Variants in TANC2 observed in about 807,000 individuals in gnomAD.
TANC2 encodes the protein protein TANC2.
A neutral mutation model predicts 210.5 loss-of-function variants in TANC2; 26 were observed. That is an observed-to-expected ratio of 0.12 (90% CI 0.09 to 0.17). TANC2 has a LOEUF of 0.17. Ranked by LOEUF, TANC2 falls within the 10% of genes least tolerant of loss-of-function variation. The pLI is 1.00. For synonymous variants in TANC2, 931 were observed against 967.1 expected, an observed-to-expected ratio of 0.96 and a Z score of 0.69; for missense variants, 2,129 against 2,608.9, an observed-to-expected ratio of 0.82 and a Z score of 4.01.
At chr17:63,187,604 CAT>C (rs746482357) in intron 5 of TANC2, among the ~76,000 whole-genome samples, 40 of 151,954 alleles carry the variant, frequency 2.6e-4, no homozygotes, top group South Asian at 2.3e-3. Flanking sequence ...GACACATACA[CAT>C]ATGTGTTTTT....
At chr17:63,203,443 T>C (rs2041599976) in intron 7 of TANC2, among the ~76,000 whole-genome samples, 1 of 152,216 alleles carries the variant, frequency 6.6e-6, no homozygotes. Context: ...TTTTTTAAAA[T>C]ATGAGACATT....
intron 1 of TANC2, among the ~76,000 whole-genome samples, chr17:62,992,088 G>T (rs2032899934): frequency 6.6e-6 from 1 of 152,180 alleles, no homozygotes; most frequent in Admixed American, 6.5e-5. Flanking sequence ...GATGATTTAA[G>T]GTATACAGGA....
chr17:63,224,404 A>G (rs982384163), intron 7 of TANC2, among the ~76,000 whole-genome samples: 4 of 152,044 alleles, frequency 2.6e-5, no homozygotes, highest in Admixed American at 6.6e-5. Context: ...GGGGCGCACC[A>G]CCACGCCCAG....
intron 11 of TANC2, among the ~76,000 whole-genome samples, chr17:63,331,712 A>G (rs1468160588): frequency 6.6e-6 from 1 of 152,188 alleles, no homozygotes; most frequent in Non-Finnish European, 1.5e-5. Flanking sequence ...TTTTGTCTAA[A>G]TTCTATTTCA....
intron 4 of TANC2, among the ~76,000 whole-genome samples, chr17:63,148,006 T>C (rs1322559634): frequency 3.3e-5 from 5 of 152,238 alleles, no homozygotes; most frequent in African/African-American, 1.2e-4. Flanking sequence ...AGGTACTGTT[T>C]TGAGGATTTT....
intron 3 of TANC2, among the ~76,000 whole-genome samples, chr17:63,087,376 G>C (rs976608133): frequency 1.3e-5 from 2 of 152,116 alleles, no homozygotes; most frequent in Admixed American, 6.6e-5. Context: ...TGGTGAGCCT[G>C]TGCCCCTTCC....
chr17:63,257,607 G>T (rs540400807), intron 8 of TANC2, among the ~76,000 whole-genome samples: 1 of 152,238 alleles, frequency 6.6e-6, no homozygotes, highest in East Asian at 1.9e-4. Flanking sequence ...CAGTCCACCT[G>T]CCCTGGCCTC....
intron 1 of TANC2, among the ~76,000 whole-genome samples, chr17:62,991,571 C>T (rs1360716373): frequency 6.0e-5 from 9 of 149,596 alleles, no homozygotes; most frequent in South Asian, 2.1e-4. Context: ...ACCTGGGAGG[C>T]GGAGCTTGCA....
chr17:63,202,224 A>G (rs1297200979), intron 7 of TANC2, among the ~76,000 whole-genome samples: 1 of 152,170 alleles, frequency 6.6e-6, no homozygotes, highest in Non-Finnish European at 1.5e-5. Flanking sequence ...TGGAGTTACC[A>G]ATAGACTCCT....
intron 11 of TANC2, among the ~76,000 whole-genome samples, chr17:63,327,060 G>A (rs117558214): frequency 0.14 from 21,508 of 152,088 alleles, 1,970 homozygotes; most frequent in Middle Eastern, 0.21. Context: ...AAAAAAATGG[G>A]CAAAGGACCT....
At chr17:62,988,519 CTGAT>C (rs777615001) in intron 1 of TANC2, among the ~76,000 whole-genome samples, 1 of 151,986 alleles carries the variant, frequency 6.6e-6, no homozygotes, top group Non-Finnish European at 1.5e-5. Context: ...GAGGTTTTCT[CTGAT>C]TGTTTGTTGG....
intron 21 of TANC2, among the ~76,000 whole-genome samples, chr17:63,409,625 C>T (rs934548571): frequency 6.6e-6 from 1 of 152,132 alleles, no homozygotes; most frequent in African/African-American, 2.4e-5. Context: ...TCATAGAGTG[C>T]ACTTACACAA....
intron 4 of TANC2, among the ~76,000 whole-genome samples, chr17:63,103,096 G>A (rs1230799085): frequency 6.7e-6 from 1 of 148,418 alleles, no homozygotes; most frequent in African/African-American, 2.6e-5. Context: ...GATACTGGGG[G>A]ACAGCCACAT....
chr17:63,117,039 G>T (rs1416279479), intron 4 of TANC2: 1 of 152,116 alleles, frequency 6.6e-6, no homozygotes, highest in Non-Finnish European at 1.5e-5. Flanking sequence ...AAGGCATGAG[G>T]AGCTTACAGC....
At chr17:63,284,767 C>A (rs886790128) in intron 9 of TANC2, among the ~76,000 whole-genome samples, 8 of 151,828 alleles carry the variant, frequency 5.3e-5, no homozygotes, top group Non-Finnish European at 2.9e-5. Flanking sequence ...TTGTTTTTTT[C>A]AAGTCTTCTA....
intron 2 of TANC2, among the ~76,000 whole-genome samples, chr17:63,053,511 C>T (rs568628709): frequency 1.3e-5 from 2 of 152,336 alleles, no homozygotes; most frequent in South Asian, 2.1e-4. Context: ...TCTACATGTT[C>T]GATTCCACAC....
chr17:63,398,799 C>G (rs1438277492), intron 18 of TANC2, 22 bp from the exon 19 acceptor site: 1 of 1,542,920 alleles, frequency 6.5e-7, no homozygotes, highest in Admixed American at 1.9e-5. Context: ...GAAGTTTGAG[C>G]TGACACAACT....
intron 1 of TANC2, among the ~76,000 whole-genome samples, chr17:62,979,495 T>C (rs902887752): frequency 4.6e-5 from 7 of 152,236 alleles, no homozygotes; most frequent in Admixed American, 1.3e-4. Flanking sequence ...CCTTGATACT[T>C]TTCTGGGACT....
At chr17:63,071,947 G>A (rs1045460746) in intron 2 of TANC2, among the ~76,000 whole-genome samples, 8 of 152,070 alleles carry the variant, frequency 5.3e-5, no homozygotes, top group Non-Finnish European at 8.8e-5. Flanking sequence ...CATTTTTACT[G>A]GTTTTGTCAT....
Sources: gnomAD v4.1 joint callset for allele counts (sites outside exome capture counted in the v4.1 genomes callset) on GRCh38, gnomAD v4.1.1 for gene constraint, MANE v1.5 for transcripts, NCBI Gene and HGNC (gene_info 2026-07-23, HGNC 2026-07-21) for gene names.